The following COBL variants were observed in gnomAD, a reference collection of about 807,000 sequenced individuals.
COBL encodes protein cordon-bleu.
In COBL, 51 loss-of-function variants were observed where a neutral mutation model predicts 98.8. The observed-to-expected ratio is 0.52, with a 90% CI of 0.41 to 0.65. The LOEUF (loss-of-function observed/expected upper bound fraction) is 0.65. Among genes scored for constraint, COBL ranks in the 30% least tolerant of loss-of-function variants. The probability of loss-of-function intolerance (pLI) is 0.00; values close to 1 mark genes in which losing one functional copy is unlikely to be tolerated. For missense variants in COBL, 1,617 were observed against 1,617.5 expected (o/e 1.00, Z 0.01); for synonymous variants, 634 against 651.7 (o/e 0.97, Z 0.41).
chr7:51,243,955 T>C (rs974817467), intron 1 of COBL, among the ~76,000 whole-genome samples: 19 of 152,216 alleles, frequency 1.2e-4, no homozygotes, highest in African/African-American at 4.6e-4. Context: ...AGGACCTCTG[T>C]GCCAGCTTTC....
chr7:51,161,789 G>T (rs1288232673), intron 5 of COBL, among the ~76,000 whole-genome samples: 1 of 152,122 alleles, frequency 6.6e-6, no homozygotes, highest in Admixed American at 6.5e-5. Flanking sequence ...AAACCAAGAA[G>T]CAGGGCCCAT....
intron 1 of COBL, among the ~76,000 whole-genome samples, chr7:51,241,403 A>C (rs897375021): frequency 6.6e-6 from 1 of 152,156 alleles, no homozygotes; most frequent in East Asian, 1.9e-4. Context: ...CAGTGAGAAC[A>C]TATCTCCCCA....
At chr7:51,044,251 G>A (rs1262061408) in intron 7 of COBL, among the ~76,000 whole-genome samples, 1 of 152,120 alleles carries the variant, frequency 6.6e-6, no homozygotes, top group Admixed American at 6.5e-5. Flanking sequence ...AGGTTACCTG[G>A]CTCCTATGCA....
intron 11 of COBL, among the ~76,000 whole-genome samples, chr7:51,025,878 C>T (rs1787502866): frequency 6.6e-6 from 1 of 152,220 alleles, no homozygotes; most frequent in Admixed American, 6.5e-5. Context: ...CATCTGCCCC[C>T]ATGCTCTGTT....
At chr7:51,316,466 A>T in intron 1 of COBL, 127 bp downstream of exon 1, 2 of 646,488 alleles carry the variant, frequency 3.1e-6, no homozygotes, top group African/African-American at 1.9e-5. Flanking sequence ...CACCTGCTCC[A>T]CCACTACCAC....
At chr7:51,146,054 T>C (rs1332879321) in intron 5 of COBL, among the ~76,000 whole-genome samples, 2 of 152,188 alleles carry the variant, frequency 1.3e-5, no homozygotes, top group African/African-American at 2.4e-5. Context: ...CCTTAGAGCA[T>C]CAGCCATCAA....
In COBL at chr7:51,080,552, T is replaced by G. The variant is rs76018243; in HGVS notation, c.1096+4614A>C. ...CCTGCCTCGGTTTCCCCATGGTGTC[T>G]GTGCATACCCTACGAAGCAGTGAGA... On this transcript the variant is annotated intron_variant, in intron 7 of 12. Transcript: ENST00000265136. 1.1e-3 allele frequency among the ~76,000 whole-genome samples: 173 copies of G among 152,324 alleles called. 1 individual carries two copies. Among genetic ancestry groups the G allele is most frequent in the African/African-American group, 4.0e-3 (166 of 41,588 alleles).
chr7:51,107,683 AC>A (rs1796439135), intron 6 of COBL, among the ~76,000 whole-genome samples: 1 of 152,068 alleles, frequency 6.6e-6, no homozygotes, highest in South Asian at 2.1e-4. Context: ...CCATGGGCAG[AC>A]CTCTCACCTC....
chr7:51,184,040 T>G (rs1365175073), intron 5 of COBL, 62 bp downstream of exon 5: 4 of 802,226 alleles, frequency 5.0e-6, no homozygotes, highest in African/African-American at 1.8e-5. Flanking sequence ...GTTGAATGCA[T>G]GTATTTCAAG....
rs2128871295 is a variant in COBL, at chr7:51,028,359, C to A, written c.2737G>T (p.Asp913Tyr). ...LAAPPVTVKD[D>Y]RTSSPHSETQ... ...TCTGAGTGTGGGCTGGATGTCCTGT[C>A]ATCTTTCACAGTGACAGGTGGTGCA... Residue 913 changes from aspartate to tyrosine, a missense_variant, in exon 10 of 13, where the codon GAC becomes TAC. By Grantham distance (160) the Asp-to-Tyr change is radical. Around this residue, in one of 3 missense-constraint regions of COBL, gnomAD observed 1,304 missense variants for 1,282.0 expected, o/e 1.02. Coordinates refer to ENST00000265136, the MANE Select transcript of COBL (RefSeq NM_015198.5). 1 of 1,614,260 alleles carries A rather than the reference C, an allele frequency of 6.2e-7. No homozygotes were observed. The highest frequency in any genetic ancestry group is 1.7e-5 in the Admixed American group (1 of 60,034).
intron 6 of COBL, among the ~76,000 whole-genome samples, chr7:51,123,788 G>A (rs1797953360): frequency 1.3e-5 from 2 of 152,140 alleles, no homozygotes; most frequent in South Asian, 2.1e-4. Flanking sequence ...ATGTTGAAGT[G>A]ACTCATTGCA....
chr7:51,024,127 G>T (rs997664707), intron 12 of COBL, among the ~76,000 whole-genome samples: 5 of 152,060 alleles, frequency 3.3e-5, no homozygotes, highest in Non-Finnish European at 7.4e-5. Context: ...GGCTAACACA[G>T]TGAAACTCCA....
chr7:51,263,053 G>A (rs1307872277), intron 1 of COBL, among the ~76,000 whole-genome samples: 2 of 152,224 alleles, frequency 1.3e-5, no homozygotes, highest in African/African-American at 4.8e-5. Flanking sequence ...CTGACGCAGT[G>A]TTAAGAGACA....
chr7:51,062,656 T>C (rs919912325), intron 7 of COBL, among the ~76,000 whole-genome samples: 4 of 152,232 alleles, frequency 2.6e-5, no homozygotes, highest in African/African-American at 9.6e-5. Context: ...ACGTGGGCGC[T>C]TGCTGATCTG....
intron 6 of COBL, among the ~76,000 whole-genome samples, chr7:51,089,839 T>C (rs1583753599): frequency 6.8e-6 from 1 of 146,500 alleles, no homozygotes; most frequent in Non-Finnish European, 1.5e-5. Context: ...TTTTTTTTTT[T>C]CCTTTGTGGT....
At chr7:51,240,512 G>A (rs575627173) in intron 1 of COBL, among the ~76,000 whole-genome samples, 12 of 152,168 alleles carry the variant, frequency 7.9e-5, no homozygotes, top group South Asian at 6.2e-4. Flanking sequence ...CTGGCTCTAC[G>A]GAAATTGCAT....
intron 11 of COBL, among the ~76,000 whole-genome samples, chr7:51,026,193 T>C (rs1787536215): frequency 6.6e-6 from 1 of 152,196 alleles, no homozygotes; most frequent in African/African-American, 2.4e-5. Flanking sequence ...TTTTTCCAGG[T>C]GTGCAATGGC....
chr7:51,119,012 C>T (rs1446876840), intron 6 of COBL, among the ~76,000 whole-genome samples: 1 of 152,170 alleles, frequency 6.6e-6, no homozygotes, highest in Non-Finnish European at 1.5e-5. Context: ...CACTTGAAAA[C>T]ATCTTATTTT....
At chr7:51,097,496 GGAA>G (rs1210003762) in intron 6 of COBL, among the ~76,000 whole-genome samples, 1 of 152,080 alleles carries the variant, frequency 6.6e-6, no homozygotes, top group Non-Finnish European at 1.5e-5. Flanking sequence ...AATTGAAAAC[GGAA>G]GAAGTGAAAT....
Sources: allele counts gnomAD v4.1 joint callset (sites outside exome capture counted in the v4.1 genomes callset), GRCh38; gene constraint gnomAD v4.1.1; regional missense constraint gnomAD v4.1.1; transcripts MANE v1.5; gene names NCBI Gene and HGNC (gene_info 2026-07-23, HGNC 2026-07-21).